The following GRK5 variants were observed in gnomAD, a reference collection of about 807,000 sequenced individuals.
GRK5 encodes G protein-coupled receptor kinase 5, also known as g protein-coupled receptor kinase GRK5.
A neutral mutation model predicts 78.4 loss-of-function variants in GRK5; 40 were observed. The observed-to-expected ratio is 0.51, with a 90% CI of 0.40 to 0.66. The LOEUF (loss-of-function observed/expected upper bound fraction) is 0.66. Ranked by LOEUF, GRK5 falls within the 30% of genes least tolerant of loss-of-function variation. GRK5 has a pLI of 0.00. For synonymous variants in GRK5, 289 were observed against 296.8 expected (o/e 0.97, Z 0.27); for missense variants, 598 against 759.9 (o/e 0.79, Z 2.50).
At chr10:119,245,357 G>A (rs1219454181) in intron 1 of GRK5, among the ~76,000 whole-genome samples, 3 of 152,066 alleles carry the variant, frequency 2.0e-5, no homozygotes, top group Non-Finnish European at 4.4e-5. Context: ...CATAATAGCC[G>A]AGAGGTGGAA....
intron 4 of GRK5, among the ~76,000 whole-genome samples, chr10:119,416,827 C>T (rs1852464703): frequency 6.6e-6 from 1 of 152,210 alleles, no homozygotes; most frequent in Admixed American, 6.5e-5. Context: ...CTCCTGACCT[C>T]AAGTGATCCA....
intron 2 of GRK5, chr10:119,333,735 T>C: frequency 1.9e-6 from 1 of 530,716 alleles, no homozygotes; most frequent in Non-Finnish European, 3.9e-6. Flanking sequence ...TCAATGCATG[T>C]TTAGTGAGCA....
At chr10:119,398,846 C>T (rs1055791698) in intron 4 of GRK5, among the ~76,000 whole-genome samples, 1 of 152,206 alleles carries the variant, frequency 6.6e-6, no homozygotes, top group Non-Finnish European at 1.5e-5. Flanking sequence ...CTTCACTGTC[C>T]TGCCACTGTC....
chr10:119,392,932 C>T (rs571559495), intron 3 of GRK5, among the ~76,000 whole-genome samples: 16 of 152,372 alleles, frequency 1.1e-4, no homozygotes, highest in African/African-American at 3.4e-4. Flanking sequence ...TTGCTGCTTA[C>T]GTTTGCTGGT....
intron 4 of GRK5, among the ~76,000 whole-genome samples, chr10:119,418,543 A>G (rs1852509121): frequency 6.6e-6 from 1 of 152,192 alleles, no homozygotes; most frequent in African/African-American, 2.4e-5. Flanking sequence ...AGCCCTGCTC[A>G]GGGATAGCTG....
chr10:119,266,680 G>A (rs1849503463), intron 1 of GRK5, among the ~76,000 whole-genome samples: 1 of 144,402 alleles, frequency 6.9e-6, no homozygotes, highest in Non-Finnish European at 1.5e-5. Flanking sequence ...TGGAGTCAAG[G>A]AGGCTTTCAC....
At chr10:119,349,742 G>A (rs565824161) in intron 2 of GRK5, among the ~76,000 whole-genome samples, 15 of 152,214 alleles carry the variant, frequency 9.9e-5, no homozygotes, top group Non-Finnish European at 1.8e-4. Context: ...GGTGAAAGCC[G>A]GATCTCCCAT....
chr10:119,343,801 T>C (rs1382124358), intron 2 of GRK5, among the ~76,000 whole-genome samples: 3 of 152,156 alleles, frequency 2.0e-5, no homozygotes, highest in African/African-American at 7.2e-5. Context: ...TCTGCAGTCA[T>C]CCTCAGGGAG....
At chr10:119,384,735 T>C in intron 3 of GRK5, among the ~76,000 whole-genome samples, 1 of 152,164 alleles carries the variant, frequency 6.6e-6, no homozygotes, top group East Asian at 1.9e-4. Context: ...GTGGCTTGCC[T>C]AGAGTCAAAG....
chr10:119,234,147 G>C (rs1344344066), intron 1 of GRK5, among the ~76,000 whole-genome samples: 6 of 152,174 alleles, frequency 3.9e-5, no homozygotes, highest in South Asian at 2.1e-4. Context: ...ATGCATGTCA[G>C]AACCTCCTTA....
intron 10 of GRK5, 47 bp from the exon 11 acceptor site, chr10:119,441,952 C>CACACAG: frequency 6.7e-7 from 1 of 1,486,664 alleles, no homozygotes; most frequent in Non-Finnish European, 9.4e-7. Flanking sequence ...AGGCCGGGTG[C>CACACAG]CCATGCGGCT....
chr10:119,251,889 G>A (rs1044383638), intron 1 of GRK5, among the ~76,000 whole-genome samples: 3 of 152,164 alleles, frequency 2.0e-5, no homozygotes, highest in Non-Finnish European at 4.4e-5. Context: ...CCTCGATTTT[G>A]GTGGTCTAGA....
At chr10:119,353,475 T>C (rs1055888604) in intron 2 of GRK5, among the ~76,000 whole-genome samples, 4 of 152,236 alleles carry the variant, frequency 2.6e-5, no homozygotes, top group African/African-American at 9.6e-5. Flanking sequence ...TTGAAACAGG[T>C]CCTGGAGAGC....
chr10:119,346,288 G>T (rs185677285), intron 2 of GRK5, among the ~76,000 whole-genome samples: 45 of 152,292 alleles, frequency 3.0e-4, no homozygotes, highest in Non-Finnish European at 6.0e-4. Context: ...GAGCATGCCC[G>T]TGCAGCCCTA....
At chr10:119,400,613 G>A (rs1031521205) in intron 4 of GRK5, among the ~76,000 whole-genome samples, 1 of 152,216 alleles carries the variant, frequency 6.6e-6, no homozygotes, top group African/African-American at 2.4e-5. Context: ...GTGCTGTGGG[G>A]GTGGGAATGG....
intron 3 of GRK5, among the ~76,000 whole-genome samples, chr10:119,384,978 C>A (rs911638471): frequency 1.3e-5 from 2 of 152,116 alleles, no homozygotes; most frequent in African/African-American, 4.8e-5. Flanking sequence ...GCATTGGAGT[C>A]TTTGAAAAGG....
intron 2 of GRK5, among the ~76,000 whole-genome samples, chr10:119,348,674 G>C (rs1851141985): frequency 1.3e-5 from 2 of 152,334 alleles, no homozygotes; most frequent in Admixed American, 1.3e-4. Context: ...AACCAGCCTG[G>C]AAGAGGCCAG....
At chr10:119,359,463 G>A (rs1415263042) in intron 2 of GRK5, among the ~76,000 whole-genome samples, 2 of 152,180 alleles carry the variant, frequency 1.3e-5, no homozygotes, top group South Asian at 2.1e-4. Flanking sequence ...CAGGTCATTC[G>A]TGTGGAAGGG....
intron 1 of GRK5, among the ~76,000 whole-genome samples, chr10:119,275,613 G>GCACACACACACACACA (rs796867686): frequency 8.3e-6 from 1 of 120,678 alleles, no homozygotes; most frequent in South Asian, 2.7e-4. Flanking sequence ...TCTCTCTCTC[G>GCACACACACACACACA]CACACACACA....
Sources: allele counts gnomAD v4.1 joint callset (sites outside exome capture counted in the v4.1 genomes callset), GRCh38; gene constraint gnomAD v4.1.1; transcripts MANE v1.5; gene names NCBI Gene and HGNC (gene_info 2026-07-23, HGNC 2026-07-21).